Variants in AMOT observed in about 807,000 individuals in gnomAD.
AMOT encodes the protein angiomotin.
Under a neutral mutation model 67.0 loss-of-function variants are expected in AMOT, and 11 were observed. That is an observed-to-expected ratio of 0.16 (90% CI 0.10 to 0.27). The LOEUF (loss-of-function observed/expected upper bound fraction) is 0.27. Among genes scored for constraint, AMOT ranks in the 10% least tolerant of loss-of-function variants. AMOT has a pLI of 1.00. For synonymous variants in AMOT, 326 were observed against 321.4 expected (o/e 1.01, Z -0.15); for missense variants, 753 against 852.0 (o/e 0.88, Z 1.45).
rs1280815374 is a variant in AMOT, at chrX:112,775,535, GT to G, written c.*3031del. The G allele has an allele frequency of 8.9e-6, 1 of 112,056 alleles. No individual in the cohort carries two copies. Among genetic ancestry groups the G allele is most frequent in the African/African-American group, 3.3e-5 (1 of 30,739 alleles). The allele number at this position is 112,056 out of a possible 1,213,427, so 9.2% of individuals were successfully genotyped here. On this transcript the variant is annotated 3_prime_UTR_variant, in exon 14 of 14. Transcript: ENST00000371959. The stretch of plus-strand genomic sequence containing the variant: ...AAAAGAGAACATGATGGGTCTCTGG[GT>G]ATCTTTCCTATGGCAGATGATGGCA...
chrX:112,777,050 T>C lies in AMOT; in HGVS notation c.*1517A>G, dbSNP rs1569386904. 1 of 111,459 alleles carries C rather than the reference T, an allele frequency of 9.0e-6. No homozygotes were observed. The highest frequency in any genetic ancestry group is 1.9e-5 in the Non-Finnish European group (1 of 53,075). The allele number at this position is 111,459 out of a possible 1,213,427, so 9.2% of individuals were successfully genotyped here. On this transcript the variant is annotated 3_prime_UTR_variant, in exon 14 of 14. Transcript: ENST00000371959. Reference sequence around the variant, plus strand: ...TTGCTAAAGTTCTTTCCCACCACTATGGCTCATGATGTAATATATCAGGCC... The same window carrying C: ...TTGCTAAAGTTCTTTCCCACCACTACGGCTCATGATGTAATATATCAGGCC...
intron 7 of AMOT, among the ~76,000 whole-genome samples, chrX:112,807,961 G>A (rs1934243900): frequency 9.0e-6 from 1 of 111,715 alleles, no homozygotes; most frequent in African/African-American, 3.3e-5. Flanking sequence ...ATGTAGTTAT[G>A]TCCCTTGTCT....
intron 10 of AMOT, among the ~76,000 whole-genome samples, chrX:112,783,294 CAAA>C (rs377256668): frequency 1.6e-4 from 8 of 49,799 alleles, no homozygotes; most frequent in Admixed American, 2.5e-4. Context: ...GACTCTGTCT[CAAA>C]AAAAAAAAAA....
intron 2 of AMOT, among the ~76,000 whole-genome samples, chrX:112,829,016 T>G (rs1431669001): frequency 8.9e-6 from 1 of 111,991 alleles, no homozygotes; most frequent in Non-Finnish European, 1.9e-5. Flanking sequence ...AGATGTGAGG[T>G]GGATTGAACA....
Position 112,822,182 on chromosome X carries a change from C to G in AMOT, c.872+73G>C, listed in dbSNP as rs1217373350. 54 of 1,060,320 alleles carry G rather than the reference C, an allele frequency of 5.1e-5. No homozygotes were observed. The Admixed American group carries it at 2.2e-3, about 43-fold the overall frequency. The allele number at this position is 1,060,320 out of a possible 1,213,427, so 87.4% of individuals were successfully genotyped here. A position where few individuals can be genotyped will look rare whatever the true frequency, so the allele number is the denominator to read the frequency against. ...TATCAAACACCTGCCCGTTCCTTCC[C>G]TAAGATTCCCAACACACAGCAGAAG... On this transcript the variant is annotated intron_variant, in intron 4 of 13. Transcript: ENST00000371959.
chrX:112,776,076 G>A lies in AMOT; in HGVS notation c.*2491C>T, dbSNP rs1932934233. The A allele has an allele frequency of 8.9e-6, 1 of 112,258 alleles. No individual in the cohort carries two copies. Among genetic ancestry groups the A allele is most frequent in the African/African-American group, 3.2e-5 (1 of 30,866 alleles). 9.3% of individuals were successfully genotyped at this position (112,258 alleles called of 1,213,427 possible). ...TTATTTTAGCAAATTATCGGGGATTGGAAACTGAACAGAGAAGAACTGTCT... is the reference window on the plus strand; with the variant it reads ...TTATTTTAGCAAATTATCGGGGATTAGAAACTGAACAGAGAAGAACTGTCT... On this transcript the variant is annotated 3_prime_UTR_variant, in exon 14 of 14. Transcript: ENST00000371959.
At chrX:112,783,439 G>C (rs931085539) in intron 10 of AMOT, among the ~76,000 whole-genome samples, 1 of 111,338 alleles carries the variant, frequency 9.0e-6, no homozygotes, top group South Asian at 3.8e-4. Flanking sequence ...ATACACCTGA[G>C]TACTAGAAGC....
At chrX:112,811,226 G>A in intron 6 of AMOT, 23 bp downstream of exon 6, 3 of 1,208,106 alleles carry the variant, frequency 2.5e-6, no homozygotes, top group Non-Finnish European at 3.4e-6. Context: ...GAAGTACAAA[G>A]ACAAGTCTGT....
chrX:112,778,866 C>A (rs2147773296), intron 13 of AMOT, 131 bp downstream of exon 13: 1 of 775,265 alleles, frequency 1.3e-6, no homozygotes, highest in East Asian at 3.2e-5. Context: ...TACAGACTCT[C>A]TTCTCTCTCC....
chrX:112,788,964 C>T (rs971876373), intron 10 of AMOT, among the ~76,000 whole-genome samples: 5 of 111,993 alleles, frequency 4.5e-5, no homozygotes, highest in South Asian at 3.8e-4. Flanking sequence ...TTTCAAAGGA[C>T]GAAGGAAGGA....
chrX:112,811,793 T>A (rs1021696687), intron 5 of AMOT, among the ~76,000 whole-genome samples: 3 of 111,862 alleles, frequency 2.7e-5, no homozygotes, highest in African/African-American at 9.8e-5. Context: ...TTGGTTCCAG[T>A]CTGCACTGAT....
In AMOT at chrX:112,825,130, G is replaced by C. The variant is rs1000929512; in HGVS notation, c.-121C>G. ...ATCAGGATAGGGAATTCTTGCTTAT[G>C]AGCAGCTCCAGAAACCGCAACGGCA... On this transcript the variant is annotated 5_prime_UTR_variant, in exon 3 of 14. Transcript: ENST00000371959. 9.0e-6 allele frequency: 1 copy of C among 111,359 alleles called. No individual in the cohort carries two copies. The highest frequency in any genetic ancestry group is 3.3e-5 in the African/African-American group (1 of 30,526). 9.2% of individuals were successfully genotyped at this position (111,359 alleles called of 1,213,427 possible).
chrX:112,778,516 A>G lies in AMOT; in HGVS notation c.*51T>C, dbSNP rs1189780339. The G allele has an allele frequency of 9.1e-7, 1 of 1,098,855 alleles. No homozygotes were observed. The highest frequency in any genetic ancestry group is 1.2e-6 in the Non-Finnish European group (1 of 803,753). 90.6% of individuals were successfully genotyped at this position (1,098,855 alleles called of 1,213,427 possible). On this transcript the variant is annotated 3_prime_UTR_variant, in exon 14 of 14. Transcript: ENST00000371959. ...AAAACAAGAACCAATAAAAGGGGGA[A>G]AATGATTAAAAGCATTTTTGCTGAT... is the stretch of plus-strand genomic sequence containing the variant.
chrX:112,815,997 G>A (rs1393491029), intron 4 of AMOT, 120 bp from the exon 5 acceptor site: 20 of 998,134 alleles, frequency 2.0e-5, no homozygotes, highest in Non-Finnish European at 2.5e-5. Context: ...AAAATGAAGA[G>A]CAGGCAGGGT....
chrX:112,818,341 C>T (rs1169382253), intron 4 of AMOT, among the ~76,000 whole-genome samples: 1 of 111,115 alleles, frequency 9.0e-6, no homozygotes, highest in African/African-American at 3.3e-5. Context: ...CATGGCCTTC[C>T]AGGGACCTTG....
intron 9 of AMOT, among the ~76,000 whole-genome samples, chrX:112,791,192 C>A: frequency 9.4e-6 from 1 of 106,303 alleles, no homozygotes; most frequent in African/African-American, 3.4e-5. Flanking sequence ...CCAGCCTAGT[C>A]AACATGGTGA....
At chrX:112,815,012 G>A (rs148409870) in intron 5 of AMOT, among the ~76,000 whole-genome samples, 41 of 112,035 alleles carry the variant, frequency 3.7e-4, no homozygotes, top group African/African-American at 1.2e-3. Context: ...TTAAGGTGCC[G>A]TCAGATCCTT....
intron 4 of AMOT, among the ~76,000 whole-genome samples, chrX:112,816,705 A>G (rs1388482961): frequency 2.7e-5 from 3 of 111,929 alleles, no homozygotes; most frequent in Non-Finnish European, 5.6e-5. Context: ...GGTGGTGCCA[A>G]GATAGAATCC....
Position 112,777,593 on chromosome X carries a change from T to TC in AMOT, c.*973dup, listed in dbSNP as rs1429990396. 5 of 112,228 alleles carry TC rather than the reference T, an allele frequency of 4.5e-5. No homozygotes were observed. The highest frequency in any genetic ancestry group is 9.4e-5 in the Non-Finnish European group (5 of 53,259). The allele number at this position is 112,228 out of a possible 1,213,427, so 9.2% of individuals were successfully genotyped here. A position where few individuals can be genotyped will look rare whatever the true frequency, so the allele number is the denominator to read the frequency against. On this transcript the variant is annotated 3_prime_UTR_variant, in exon 14 of 14. Coordinates refer to ENST00000371959, the MANE Select transcript of AMOT (RefSeq NM_001113490.2). ...CATTCAACCTGTCAACAAAGATCCT[T>TC]CCTCACTTTGCAAATGATTGGCAAT...
Sources: allele counts gnomAD v4.1 joint callset (sites outside exome capture counted in the v4.1 genomes callset), GRCh38; gene constraint gnomAD v4.1.1; transcripts MANE v1.5; gene names NCBI Gene and HGNC (gene_info 2026-07-23, HGNC 2026-07-21).